The following ZGRF1 variants were observed in gnomAD, a reference collection of about 807,000 sequenced individuals.
ZGRF1 encodes zinc finger GRF-type containing 1, also known as 5'-3' DNA helicase ZGRF1.
A neutral mutation model predicts 203.5 loss-of-function variants in ZGRF1; 196 were observed. That is an observed-to-expected ratio of 0.96 (90% CI 0.86 to 1.08). ZGRF1 has a LOEUF of 1.08. Ranked by LOEUF, ZGRF1 falls within the 50% of genes least tolerant of loss-of-function variation. ZGRF1 has a pLI of 0.00. For missense variants in ZGRF1, 2,326 were observed against 2,416.3 expected (o/e 0.96, Z 0.78); for synonymous variants, 809 against 841.3 (o/e 0.96, Z 0.66).
chr4:112,539,516 C>G lies in ZGRF1; in HGVS notation c.*31G>C. On this transcript the variant is annotated 3_prime_UTR_variant, in exon 28 of 28. Coordinates refer to ENST00000505019, the MANE Select transcript of ZGRF1 (RefSeq NM_018392.5). ...ATCATGTAAAATGAGTCTGAATTTA[C>G]ATAAATACAAAATATTTACACCATG... 8.3e-6 allele frequency: 9 copies of G among 1,082,820 alleles called. No individual in the cohort carries two copies. The highest frequency in any genetic ancestry group is 1.2e-5 in the Non-Finnish European group (9 of 743,368). The allele number at this position is 1,082,820 out of a possible 1,614,324, so 67.1% of individuals were successfully genotyped here.
intron 4 of ZGRF1, 91 bp from the exon 5 acceptor site, chr4:112,620,281 G>A (rs2047021038): frequency 1.2e-6 from 1 of 863,856 alleles, no homozygotes; most frequent in Admixed American, 2.8e-5. Context: ...CACAATGGGT[G>A]TTCAATAAAT....
At chr4:112,562,564 ACTCAGAGTTCAG>A (rs1742207182) in intron 17 of ZGRF1, 79 bp from the exon 18 acceptor site, 1 of 827,760 alleles carries the variant, frequency 1.2e-6, no homozygotes. Flanking sequence ...TGCCCACATA[ACTCAGAGTTCAG>A]CTACTGAATT....
At chr4:112,568,137 A>C (rs1743477236) in intron 16 of ZGRF1, among the ~76,000 whole-genome samples, 1 of 152,128 alleles carries the variant, frequency 6.6e-6, no homozygotes, top group Admixed American at 6.5e-5. Context: ...TGGAAGACAG[A>C]TTCAGAAGTG....
At chr4:112,632,061 G>A (rs1273720898) in intron 2 of ZGRF1, 51 bp from the exon 3 acceptor site, 1 of 894,654 alleles carries the variant, frequency 1.1e-6, no homozygotes, top group Admixed American at 3.1e-5. Flanking sequence ...TATATTTAAT[G>A]TTATGTATTT....
chr4:112,628,243 G>A (rs1042805192), intron 3 of ZGRF1, among the ~76,000 whole-genome samples: 1 of 152,074 alleles, frequency 6.6e-6, no homozygotes, highest in African/African-American at 2.4e-5. Flanking sequence ...ACTTCGTTAA[G>A]GTCTTTACGT....
Position 112,631,927 on chromosome 4 carries a change from C to T in ZGRF1, c.102+3G>A. 6.4e-7 allele frequency: 1 copy of T among 1,571,318 alleles called. No individual in the cohort carries two copies. The highest frequency in any genetic ancestry group is 8.6e-7 in the Non-Finnish European group (1 of 1,157,080). On this transcript the variant is annotated splice_donor_region_variant and intron_variant, in intron 3 of 27. Coordinates refer to ENST00000505019, the MANE Select transcript of ZGRF1 (RefSeq NM_018392.5). ...ACCCTATAGTCAACTGCTTTGTACT[C>T]ACTTTGTTTCCTAAGTGAGTGATCT...
chr4:112,603,408 T>C, intron 10 of ZGRF1, 116 bp downstream of exon 10: 1 of 596,708 alleles, frequency 1.7e-6, no homozygotes, highest in Non-Finnish European at 2.8e-6. Flanking sequence ...TTCTTGTCAA[T>C]TTACTGTACT....
rs1052353177 is a variant in ZGRF1 at position 112,586,580 on chromosome 4, T to C, written c.3781A>G (p.Ile1261Val). The C allele has an allele frequency of 3.1e-6, 5 of 1,601,856 alleles. No homozygotes were observed. Among genetic ancestry groups the C allele is most frequent in the African/African-American group, 1.3e-5 (1 of 74,560 alleles). ...GGAAAGCACAGCTCAGAGCCACTTA[T>C]CTCCTGCAATGGAATAATTCAAGTT... ...YNYSVKDLQE[I>V]SGSELCFPSG... The change falls in exon 13 of 28, where the codon ATA becomes GTA. Residue 1261 changes from isoleucine to valine, a missense_variant. Transcript: ENST00000505019.
At chr4:112,574,769 T>C (rs1744837543) in intron 16 of ZGRF1, among the ~76,000 whole-genome samples, 1 of 152,162 alleles carries the variant, frequency 6.6e-6, no homozygotes, top group Non-Finnish European at 1.5e-5. Flanking sequence ...TGGTGGCTCA[T>C]GTCTGTAATC....
intron 6 of ZGRF1, among the ~76,000 whole-genome samples, chr4:112,615,048 T>C (rs991885714): frequency 2.6e-5 from 4 of 152,188 alleles, no homozygotes; most frequent in Admixed American, 6.5e-5. Flanking sequence ...TACGTATTCA[T>C]AAATTAATGA....
At chr4:112,604,895 T>C (rs1750538845) in intron 9 of ZGRF1, among the ~76,000 whole-genome samples, 2 of 152,244 alleles carry the variant, frequency 1.3e-5, no homozygotes. Flanking sequence ...AAAGGATTAA[T>C]TCATTTTTAA....
At chr4:112,571,732 T>C (rs1031531794) in intron 16 of ZGRF1, among the ~76,000 whole-genome samples, 7 of 152,144 alleles carry the variant, frequency 4.6e-5, no homozygotes, top group African/African-American at 1.7e-4. Context: ...ACTTTATAGG[T>C]ACAATTCCAA....
In ZGRF1 at chr4:112,598,551, CT is replaced by C. The variant is rs1749423162; in HGVS notation, c.2976+4972del. Among the ~76,000 whole-genome samples the C allele has an allele frequency of 3.9e-5, 6 of 151,932 alleles. No homozygotes were observed. The South Asian group carries it at 1.2e-3, about 31-fold the overall frequency. On this transcript the variant is annotated intron_variant, in intron 10 of 27. Coordinates refer to ENST00000505019, the MANE Select transcript of ZGRF1 (RefSeq NM_018392.5). ...AGGGATTCAGAAACAACTAATTTTA[CT>C]GTAGCCACTGTAATCATTAGCTCTT...
At chr4:112,570,633 T>C (rs1744035585) in intron 16 of ZGRF1, among the ~76,000 whole-genome samples, 2 of 152,022 alleles carry the variant, frequency 1.3e-5, no homozygotes, top group Admixed American at 6.6e-5. Flanking sequence ...AATAATATTA[T>C]AAAAATCATA....
intron 10 of ZGRF1, among the ~76,000 whole-genome samples, chr4:112,597,246 G>T (rs1749177441): frequency 1.3e-5 from 2 of 149,952 alleles, no homozygotes; most frequent in East Asian, 4.0e-4. Flanking sequence ...TAGAGGGAGG[G>T]TCAGGCACTG....
At chr4:112,617,397 G>T in intron 6 of ZGRF1, 43 bp downstream of exon 6, 2 of 1,371,536 alleles carry the variant, frequency 1.5e-6, no homozygotes, top group South Asian at 2.9e-5. Flanking sequence ...ATAGCTCAAA[G>T]ACCTATAAAG....
At chr4:112,585,905 A>T (rs941071496) in intron 13 of ZGRF1, among the ~76,000 whole-genome samples, 180 bp from the exon 14 acceptor site, 1 of 116,392 alleles carries the variant, frequency 8.6e-6, no homozygotes, top group Non-Finnish European at 1.7e-5. Flanking sequence ...ACTTCTAGTT[A>T]AAAAAAAAAA....
rs140237194 is a variant in ZGRF1, at chr4:112,611,840, A to G, written c.2667+684T>C. Among the ~76,000 whole-genome samples the G allele has an allele frequency of 2.2e-3, 337 of 152,360 alleles. 2 individuals carry two copies. The highest frequency in any genetic ancestry group is 7.5e-3 in the African/African-American group (310 of 41,566). ...TGGGTTCTGAGAAACTGCTGTGATA[A>G]AAAGCAATTATCATGAGAAAATCAA... On this transcript the variant is annotated intron_variant, in intron 7 of 27. Coordinates refer to ENST00000505019, the MANE Select transcript of ZGRF1 (RefSeq NM_018392.5).
intron 22 of ZGRF1, among the ~76,000 whole-genome samples, chr4:112,548,950 T>C (rs1197892375): frequency 1.6e-5 from 1 of 62,916 alleles, no homozygotes. Flanking sequence ...CCGTCTCTAC[T>C]AAAAATACAA....
Sources: gnomAD v4.1 joint callset for allele counts (sites outside exome capture counted in the v4.1 genomes callset) on GRCh38, gnomAD v4.1.1 for gene constraint, MANE v1.5 for transcripts, NCBI Gene and HGNC (gene_info 2026-07-23, HGNC 2026-07-21) for gene names.